PRKD1: variants seen among roughly 807,000 people sequenced by gnomAD.
The protein encoded by PRKD1 is protein kinase D1, also known as serine/threonine-protein kinase D1.
Under a neutral mutation model 95.9 loss-of-function variants are expected in PRKD1, and 63 were observed. The observed-to-expected ratio is 0.66, with a 90% CI of 0.54 to 0.81. PRKD1 has a LOEUF of 0.81. PRKD1 is among the 30% of genes least tolerant of loss of function. The pLI, the probability that PRKD1 is intolerant of heterozygous loss-of-function variation, is 0.00. For missense variants in PRKD1, 1,048 were observed against 1,165.3 expected, an observed-to-expected ratio of 0.90 and a Z score of 1.47; for synonymous variants, 425 against 423.1, an observed-to-expected ratio of 1.00 and a Z score of -0.05.
chr14:29,763,572 C>T (rs1304447154), intron 1 of PRKD1, among the ~76,000 whole-genome samples: 2 of 151,870 alleles, frequency 1.3e-5, no homozygotes, highest in Non-Finnish European at 2.9e-5. Context: ...TGTTATGTTC[C>T]TGGTGGTAGG....
chr14:29,840,051 T>C (rs2139314058), intron 1 of PRKD1, among the ~76,000 whole-genome samples: 1 of 152,288 alleles, frequency 6.6e-6, no homozygotes, highest in South Asian at 2.1e-4. Context: ...TGCAGCCACC[T>C]TGAATTTCTC....
At chr14:29,868,481 T>C (rs371214694) in intron 1 of PRKD1, among the ~76,000 whole-genome samples, 7 of 152,224 alleles carry the variant, frequency 4.6e-5, no homozygotes, top group Admixed American at 2.6e-4. Context: ...AGTAGCCTTA[T>C]GCTGTAAAGA....
At chr14:29,706,814 T>C (rs1305984995) in intron 2 of PRKD1, among the ~76,000 whole-genome samples, 9 of 152,118 alleles carry the variant, frequency 5.9e-5, no homozygotes. Context: ...GATATGTTAC[T>C]GAAGGGAACA....
At chr14:29,644,696 G>T (rs1481407101) in intron 4 of PRKD1, among the ~76,000 whole-genome samples, 2 of 151,974 alleles carry the variant, frequency 1.3e-5, no homozygotes, top group African/African-American at 4.8e-5. Flanking sequence ...TCATTATCTA[G>T]TTCAGCCGAA....
At chr14:29,687,212 T>C (rs1185407183) in intron 2 of PRKD1, among the ~76,000 whole-genome samples, 1 of 152,174 alleles carries the variant, frequency 6.6e-6, no homozygotes, top group Non-Finnish European at 1.5e-5. Flanking sequence ...CTTATGATAA[T>C]GCATGAGGAA....
intron 5 of PRKD1, 28 bp downstream of exon 5, chr14:29,638,666 G>A: frequency 6.2e-7 from 1 of 1,612,594 alleles, no homozygotes; most frequent in Non-Finnish European, 8.5e-7. Context: ...GGTGATCAAA[G>A]TTCGACAGGT....
intron 1 of PRKD1, among the ~76,000 whole-genome samples, chr14:29,921,051 T>C (rs1443723547): frequency 6.6e-6 from 1 of 152,200 alleles, no homozygotes; most frequent in Non-Finnish European, 1.5e-5. Context: ...TGTTCCCAAA[T>C]GTTGCACCTT....
intron 4 of PRKD1, among the ~76,000 whole-genome samples, chr14:29,640,320 T>A (rs1247015576): frequency 6.6e-6 from 1 of 152,142 alleles, no homozygotes; most frequent in Non-Finnish European, 1.5e-5. Flanking sequence ...TAAATCACAT[T>A]TACAAAAAAT....
intron 1 of PRKD1, among the ~76,000 whole-genome samples, chr14:29,832,035 A>C (rs1891432153): frequency 6.6e-6 from 1 of 152,206 alleles, no homozygotes; most frequent in Admixed American, 6.6e-5. Context: ...CCTCACAAAC[A>C]AACAATGCTA....
rs149865198 is a variant in PRKD1 at position 29,615,728 on chromosome 14, C to A, written c.1905+8424G>T. 1.1e-4 allele frequency among the ~76,000 whole-genome samples: 17 copies of A among 152,204 alleles called. No homozygotes were observed. In the East Asian group the frequency reaches 2.7e-3, roughly 24 times the overall value. Reference sequence around the variant, plus strand: ...AGGGTTTTATTCATGTTTATACGGCCCAAAGGCTCAGCAAATCACTTTGTA... The same window carrying A: ...AGGGTTTTATTCATGTTTATACGGCACAAAGGCTCAGCAAATCACTTTGTA... On this transcript the variant is annotated intron_variant, in intron 13 of 17. Transcript: ENST00000331968.
In PRKD1 at chr14:29,625,071, G is replaced by A. The variant is rs937876408; in HGVS notation, c.1799-813C>T. Among the ~76,000 whole-genome samples the A allele has an allele frequency of 3.3e-5, 5 of 152,110 alleles. No individual in the cohort carries two copies. In the East Asian group the frequency reaches 9.6e-4, roughly 29 times the overall value. On this transcript the variant is annotated intron_variant, in intron 12 of 17. Coordinates refer to ENST00000331968, the MANE Select transcript of PRKD1 (RefSeq NM_002742.3). ...TTTTTGGTAACATACAAACTAACTTGAAATTCCAGTCTTCCAACACTTGTA... is the reference window on the plus strand; with the variant it reads ...TTTTTGGTAACATACAAACTAACTTAAAATTCCAGTCTTCCAACACTTGTA...
chr14:29,638,949 T>C (rs773746431), intron 4 of PRKD1, 45 bp from the exon 5 acceptor site: 1 of 1,445,000 alleles, frequency 6.9e-7, no homozygotes, highest in African/African-American at 1.4e-5. Context: ...TAAGAGGCTA[T>C]TTGATTTATA....
At chr14:29,898,771 A>AGATACAAACTGCCT (rs1018472181) in intron 1 of PRKD1, among the ~76,000 whole-genome samples, 45 of 152,220 alleles carry the variant, frequency 3.0e-4, no homozygotes, top group African/African-American at 1.1e-3. Flanking sequence ...CTGTGTCCAC[A>AGATACAAACTGCCT]GATACAAACT....
At chr14:29,645,279 G>T (rs1385345579) in intron 4 of PRKD1, among the ~76,000 whole-genome samples, 6 of 152,110 alleles carry the variant, frequency 3.9e-5, no homozygotes, top group African/African-American at 1.4e-4. Context: ...TTGACCTACA[G>T]AAGAGATTTC....
chr14:29,690,976 A>G (rs1884200018), intron 2 of PRKD1, among the ~76,000 whole-genome samples: 1 of 152,160 alleles, frequency 6.6e-6, no homozygotes, highest in South Asian at 2.1e-4. Context: ...TAACTGGTGA[A>G]TCATTTAGTT....
At chr14:29,613,418 A>C (rs915205346) in intron 13 of PRKD1, among the ~76,000 whole-genome samples, 1 of 152,096 alleles carries the variant, frequency 6.6e-6, no homozygotes, top group African/African-American at 2.4e-5. Context: ...CATGAAGACA[A>C]GTTACTATGT....
chr14:29,701,006 A>ACACACACACC (rs1555337080), intron 2 of PRKD1, among the ~76,000 whole-genome samples: 203 of 50,672 alleles, frequency 4.0e-3, no homozygotes, highest in African/African-American at 0.02. Flanking sequence ...ACACACACAC[A>ACACACACACC]CCCTGTTGTG....
In PRKD1 at chr14:29,749,534, G is replaced by A. The variant is rs1223149765; in HGVS notation, c.265-23860C>T. Among the ~76,000 whole-genome samples the A allele has an allele frequency of 2.0e-5, 3 of 152,144 alleles. No individual in the cohort carries two copies. In the East Asian group the frequency reaches 5.8e-4, roughly 29 times the overall value. On this transcript the variant is annotated intron_variant, in intron 1 of 17. Transcript: ENST00000331968. ...GTCACCAGCACCAAGATGCAATCAT[G>A]GGAAGAATATGGCTGAGGCAGAGCA... is the stretch of plus-strand genomic sequence containing the variant.
At chr14:29,731,091 TCAAAA>T (rs908540647) in intron 1 of PRKD1, among the ~76,000 whole-genome samples, 4 of 152,156 alleles carry the variant, frequency 2.6e-5, no homozygotes, top group African/African-American at 9.7e-5. Context: ...TATACATAGT[TCAAAA>T]CATGATGTGG....
Sources: gnomAD v4.1 joint callset for allele counts (sites outside exome capture counted in the v4.1 genomes callset) on GRCh38, gnomAD v4.1.1 for gene constraint, MANE v1.5 for transcripts, NCBI Gene and HGNC (gene_info 2026-07-23, HGNC 2026-07-21) for gene names.